The following USP22 variants were observed in gnomAD, a reference collection of about 807,000 sequenced individuals.
The protein encoded by USP22 is ubiquitin specific peptidase 22, also known as ubiquitin carboxyl-terminal hydrolase 22.
USP22 carries 22 observed loss-of-function variants against 68.1 expected under a neutral mutation model. That is an observed-to-expected ratio of 0.32 (90% CI 0.23 to 0.46). USP22 has a LOEUF of 0.46. Among genes scored for constraint, USP22 ranks in the 20% least tolerant of loss-of-function variants. The pLI is 1.00. For synonymous variants in USP22, 279 were observed against 274.2 expected (o/e 1.02, Z -0.17); for missense variants, 433 against 695.8 (o/e 0.62, Z 4.25).
intron 1 of USP22, among the ~76,000 whole-genome samples, chr17:21,033,790 C>A (rs902618233): frequency 1.3e-4 from 20 of 150,792 alleles, no homozygotes; most frequent in Non-Finnish European, 2.5e-4. Context: ...TGCTCTGTCA[C>A]CAGGCTGGAG....
At chr17:21,019,304 C>T in intron 3 of USP22, 119 bp from the exon 4 acceptor site, 1 of 935,358 alleles carries the variant, frequency 1.1e-6, no homozygotes, top group Non-Finnish European at 1.7e-6. Context: ...GAGCAACATC[C>T]ACAGCACCAG....
Position 21,026,371 on chromosome 17 carries a change from G to T in USP22, c.304+2171C>A, listed in dbSNP as rs997529016. 9.2e-5 allele frequency among the ~76,000 whole-genome samples: 14 copies of T among 152,138 alleles called. No homozygotes were observed. The East Asian group carries it at 2.5e-3, about 27-fold the overall frequency. On this transcript the variant is annotated intron_variant, in intron 2 of 12. Transcript: ENST00000261497. ...TTTTGAGTCTTGCTCTATCACCCAG[G>T]TTGGAGTGCAATGGCTTGATGACAG...
intron 1 of USP22, among the ~76,000 whole-genome samples, chr17:21,030,634 A>C (rs527367739): frequency 1.3e-5 from 2 of 152,224 alleles, no homozygotes; most frequent in Non-Finnish European, 2.9e-5. Flanking sequence ...CCCATCTGGA[A>C]CCTGCTCCTG....
At chr17:21,017,440 T>C (rs1972101443) in intron 5 of USP22, among the ~76,000 whole-genome samples, 1 of 152,204 alleles carries the variant, frequency 6.6e-6, no homozygotes, top group African/African-American at 2.4e-5. Flanking sequence ...CATGCTCTGA[T>C]GCCGGGGACA....
At chr17:21,012,632 C>T (rs1914005360) in intron 7 of USP22, among the ~76,000 whole-genome samples, 198 bp downstream of exon 7, 1 of 151,672 alleles carries the variant, frequency 6.6e-6, no homozygotes, top group African/African-American at 2.4e-5. Flanking sequence ...GCTCGCATCC[C>T]GAGGGGACAC....
chr17:21,027,493 G>A (rs913989357), intron 2 of USP22, among the ~76,000 whole-genome samples: 1 of 151,826 alleles, frequency 6.6e-6, no homozygotes, highest in Non-Finnish European at 1.5e-5. Context: ...CAGAACTTCA[G>A]GGCGGGAAAG....
At chr17:21,035,237 T>C (rs1972338816) in intron 1 of USP22, among the ~76,000 whole-genome samples, 1 of 152,226 alleles carries the variant, frequency 6.6e-6, no homozygotes, top group African/African-American at 2.4e-5. Context: ...TCTCTGAGTT[T>C]CTTACCAGAG....
At chr17:21,005,412 C>T (rs1475075544) in intron 10 of USP22, among the ~76,000 whole-genome samples, 4 of 152,196 alleles carry the variant, frequency 2.6e-5, no homozygotes, top group African/African-American at 4.8e-5. Context: ...ACAAAGATTG[C>T]TGCTCATTAT....
chr17:21,042,173 CA>C, intron 1 of USP22: 1 of 153,198 alleles, frequency 6.5e-6, no homozygotes, highest in East Asian at 1.9e-4. Context: ...TCTGCACCCG[CA>C]TCCAGCCCCG....
chr17:21,026,190 G>A lies in USP22; in HGVS notation c.304+2352C>T, dbSNP rs541729001. On this transcript the variant is annotated intron_variant, in intron 2 of 12. Transcript: ENST00000261497. ...GGAGAATTGTTTGAACCTGAGAGGCGGAGGTTGCAGTGAGCTGAGACCGTG... is the reference window on the plus strand; with the variant it reads ...GGAGAATTGTTTGAACCTGAGAGGCAGAGGTTGCAGTGAGCTGAGACCGTG... Among the ~76,000 whole-genome samples the A allele has an allele frequency of 3.9e-5, 6 of 152,292 alleles. No homozygotes were observed. The East Asian group carries it at 5.8e-4, about 15-fold the overall frequency.
At position 20,999,811 on chromosome 17, in the gene USP22, C is replaced by G. The variant is rs1913497274; in HGVS notation, c.*3220G>C. 2 of 152,138 alleles carry G rather than the reference C, an allele frequency of 1.3e-5. No homozygotes were observed. The highest frequency in any genetic ancestry group is 2.9e-5 in the Non-Finnish European group (2 of 68,032). 9.4% of individuals were successfully genotyped at this position (152,138 alleles called of 1,614,324 possible). A position where few individuals can be genotyped will look rare whatever the true frequency, so the allele number is the denominator to read the frequency against. ...ACAATCACTTAAATTGTCAAAAGAA[C>G]AGCAATTTTACACAATGAAGAGCAT... On this transcript the variant is annotated 3_prime_UTR_variant, in exon 13 of 13. Coordinates refer to ENST00000261497, the MANE Select transcript of USP22 (RefSeq NM_015276.2).
At chr17:21,017,398 G>A (rs569615970) in intron 5 of USP22, among the ~76,000 whole-genome samples, 33 of 152,348 alleles carry the variant, frequency 2.2e-4, no homozygotes, top group African/African-American at 6.7e-4. Context: ...GGGCTGAGGC[G>A]GCAGCCGTGA....
chr17:21,028,700 G>A, intron 1 of USP22, 26 bp from the exon 2 acceptor site: 1 of 1,610,836 alleles, frequency 6.2e-7, no homozygotes, highest in African/African-American at 1.3e-5. Context: ...GAGGAGGAGT[G>A]AACGCTGTGT....
intron 6 of USP22, 71 bp downstream of exon 6, chr17:21,015,681 A>G: frequency 6.6e-7 from 1 of 1,520,152 alleles, no homozygotes; most frequent in Non-Finnish European, 8.8e-7. Flanking sequence ...GAGTGCATAC[A>G]CTCGCTTTGC....
chr17:21,028,515 TC>T (rs753215969), intron 2 of USP22, 26 bp downstream of exon 2: 1 of 1,610,690 alleles, frequency 6.2e-7, no homozygotes, highest in East Asian at 2.2e-5. Flanking sequence ...GCCACAACTA[TC>T]CCCCCATCCC....
At chr17:21,003,501 A>G (rs1188254883) in intron 12 of USP22, among the ~76,000 whole-genome samples, 1 of 152,226 alleles carries the variant, frequency 6.6e-6, no homozygotes, top group Non-Finnish European at 1.5e-5. Context: ...GTGAAGTGCA[A>G]AGCCCTCAGG....
In USP22 at chr17:21,021,149, C is replaced by T. The variant is rs1195230403; in HGVS notation, c.382G>A (p.Ala128Thr). ...CAAGCTTTTCGCTGCTCCTCCTTGG[C>T]GATTATTTCCATGTCTTTGTCATAG... The part of the protein sequence containing the change: ...YIYDKDMEII[A>T]KEEQRKAWKM... Residue 128 changes from alanine to threonine, a missense_variant, in exon 3 of 13, where the codon GCC (alanine) becomes ACC (threonine). Physicochemically the swap from Ala to Thr is moderately conservative, Grantham distance 58. This residue lies in a region of USP22 where 144 missense variants were observed against 237.2 expected (regional missense o/e 0.61). Coordinates refer to ENST00000261497, the MANE Select transcript of USP22 (RefSeq NM_015276.2). The T allele has an allele frequency of 1.9e-6, 3 of 1,614,080 alleles. No individual in the cohort carries two copies. Among genetic ancestry groups the T allele is most frequent in the Non-Finnish European group, 1.7e-6 (2 of 1,180,000 alleles).
chr17:21,022,488 C>G (rs767403021), intron 2 of USP22, among the ~76,000 whole-genome samples: 2 of 152,146 alleles, frequency 1.3e-5, no homozygotes, highest in African/African-American at 2.4e-5. Flanking sequence ...GGTACTCTCT[C>G]CATTCAACAA....
rs1456965797 is a variant in USP22, at chr17:21,021,102, T to C, written c.418+11A>G. Reference sequence around the variant, plus strand: ...GCAGGATCAAGCAGGTAAACTGAGGTGGAACCAAACCTTGCATTTTCCAAG... The same window carrying C: ...GCAGGATCAAGCAGGTAAACTGAGGCGGAACCAAACCTTGCATTTTCCAAG... On this transcript the variant is annotated intron_variant, in intron 3 of 12. Coordinates refer to ENST00000261497, the MANE Select transcript of USP22 (RefSeq NM_015276.2). The C allele has an allele frequency of 6.8e-6, 11 of 1,608,320 alleles. No homozygotes were observed. The highest frequency in any genetic ancestry group is 2.2e-5 in the East Asian group (1 of 44,864).
Sources: gnomAD v4.1 joint callset for allele counts (sites outside exome capture counted in the v4.1 genomes callset) on GRCh38, gnomAD v4.1.1 for gene constraint, gnomAD v4.1.1 regional missense constraint, MANE v1.5 for transcripts, NCBI Gene and HGNC (gene_info 2026-07-23, HGNC 2026-07-21) for gene names.